Variants in GALK2 observed in about 807,000 individuals in gnomAD.
GALK2 encodes galactokinase 2.
Under a neutral mutation model 52.4 loss-of-function variants are expected in GALK2, and 36 were observed. That is an observed-to-expected ratio of 0.69 (90% CI 0.53 to 0.91). GALK2 has a LOEUF of 0.91. Ranked by LOEUF, GALK2 falls within the 40% of genes least tolerant of loss-of-function variation. GALK2 has a pLI of 0.00. For missense variants in GALK2, 579 were observed against 559.1 expected (o/e 1.04, Z -0.36); for synonymous variants, 176 against 199.1 (o/e 0.88, Z 0.98).
chr15:49,207,333 A>G (rs570197431), intron 2 of GALK2, among the ~76,000 whole-genome samples: 1 of 152,320 alleles, frequency 6.6e-6, no homozygotes, highest in South Asian at 2.1e-4. Flanking sequence ...TTTTGATATT[A>G]GGGTGATGCT....
intron 2 of GALK2, among the ~76,000 whole-genome samples, chr15:49,206,953 A>T (rs576075890): frequency 6.6e-6 from 1 of 152,272 alleles, no homozygotes; most frequent in East Asian, 1.9e-4. Context: ...TACCTCATTC[A>T]ATATTATGTT....
rs200000331 is a variant in GALK2, at chr15:49,244,848, C to CA, written c.504+5490dup. Among the ~76,000 whole-genome samples the CA allele has an allele frequency of 3.0e-3, 450 of 149,340 alleles. 1 individual carries two copies. The highest frequency in any genetic ancestry group is 3.5e-3 in the Admixed American group (53 of 15,044). ...GGAACTTATAATCTTATCAGTAAAA[C>CA]AAAAAAAAAGCCAAAAAAACTGGTT... On this transcript the variant is annotated intron_variant, in intron 5 of 9. Transcript: ENST00000560031.
intron 3 of GALK2, among the ~76,000 whole-genome samples, chr15:49,231,450 A>G (rs1318538391): frequency 6.6e-6 from 1 of 152,206 alleles, no homozygotes; most frequent in African/African-American, 2.4e-5. Context: ...AAACCATATT[A>G]TTCTGTCCCT....
intron 5 of GALK2, among the ~76,000 whole-genome samples, chr15:49,257,319 C>T (rs77966033): frequency 0.06 from 9,171 of 152,134 alleles, 547 homozygotes; most frequent in African/African-American, 0.15. Context: ...CACTTGAACC[C>T]GCTGAATTTT....
intron 3 of GALK2, among the ~76,000 whole-genome samples, chr15:49,228,682 T>TATATATATATATATATATATATAC (rs1555409030): frequency 2.7e-4 from 4 of 14,554 alleles, no homozygotes; most frequent in African/African-American, 1.1e-3. Context: ...TATATATATA[T>TATATATATATATATATATATATAC]ATATATTTTT....
chr15:49,279,361 C>G (rs1360879417), intron 5 of GALK2, among the ~76,000 whole-genome samples: 2 of 152,160 alleles, frequency 1.3e-5, no homozygotes, highest in African/African-American at 4.8e-5. Flanking sequence ...AGGGAGGATA[C>G]TTAAATTTTG....
At chr15:49,174,645 A>G (rs2085323296) in intron 1 of GALK2, among the ~76,000 whole-genome samples, 1 of 151,898 alleles carries the variant, frequency 6.6e-6, no homozygotes, top group African/African-American at 2.4e-5. Context: ...CACTTGGCCT[A>G]TTTCTTGTTA....
chr15:49,321,048 C>T (rs903535062), intron 9 of GALK2, among the ~76,000 whole-genome samples: 2 of 151,994 alleles, frequency 1.3e-5, no homozygotes, highest in Non-Finnish European at 2.9e-5. Context: ...CTTACATTCT[C>T]GTGGGGAAAG....
intron 1 of GALK2, among the ~76,000 whole-genome samples, chr15:49,176,241 T>A (rs895461405): frequency 2.0e-5 from 3 of 152,276 alleles, no homozygotes; most frequent in African/African-American, 7.2e-5. Flanking sequence ...CCCTGTTATC[T>A]TGATGTTCCT....
At chr15:49,277,358 C>T (rs1193814009) in intron 5 of GALK2, among the ~76,000 whole-genome samples, 1 of 140,606 alleles carries the variant, frequency 7.1e-6, no homozygotes, top group African/African-American at 2.6e-5. Context: ...TTAGTAGAGA[C>T]GGGGTTTCAC....
intron 1 of GALK2, chr15:49,177,727 C>A: frequency 1.3e-6 from 1 of 786,580 alleles, no homozygotes; most frequent in East Asian, 4.6e-5. Flanking sequence ...AGATGTCAGC[C>A]CATGCATCAC....
chr15:49,189,281 A>G (rs1213375936), intron 1 of GALK2, among the ~76,000 whole-genome samples: 1 of 152,194 alleles, frequency 6.6e-6, no homozygotes, highest in African/African-American at 2.4e-5. Flanking sequence ...ACATTCTTTT[A>G]TATAATCGTA....
chr15:49,336,881 C>CA (rs2039808676), downstream of GALK2, among the ~76,000 whole-genome samples: 1 of 152,154 alleles, frequency 6.6e-6, no homozygotes, highest in African/African-American at 2.4e-5. Context: ...TTACAGTATG[C>CA]AGTGTCTATT....
rs751667543 is a variant in GALK2, at chr15:49,194,720, C to G, written c.54-6442C>G. 5.3e-5 allele frequency among the ~76,000 whole-genome samples: 8 copies of G among 151,232 alleles called. No individual in the cohort carries two copies. The East Asian group carries it at 1.6e-3, about 30-fold the overall frequency. ...AAGTGATTCTCCTGCCTCAGCCTCC[C>G]GAGTAGCTAGGATTACAAGCACGTG... On this transcript the variant is annotated intron_variant, in intron 1 of 9. Transcript: ENST00000560031.
At chr15:49,350,501 T>C (rs1567124361) in intron 3 of GALK2, among the ~76,000 whole-genome samples, 1 of 152,230 alleles carries the variant, frequency 6.6e-6, no homozygotes, top group Non-Finnish European at 1.5e-5. Context: ...GTTAAGTTTT[T>C]ACTGGGAGAT....
chr15:49,167,003 T>C (rs1000221955), upstream of GALK2, among the ~76,000 whole-genome samples: 4 of 152,330 alleles, frequency 2.6e-5, no homozygotes, highest in East Asian at 7.7e-4. Context: ...AAGGAAGTGA[T>C]TTCTAAGCTG....
At chr15:49,239,479 C>G in intron 5 of GALK2, 112 bp downstream of exon 5, 1 of 974,918 alleles carries the variant, frequency 1.0e-6, no homozygotes, top group South Asian at 1.6e-5. Flanking sequence ...TCTAAAAGGA[C>G]TGCACATGTG....
At chr15:49,161,235 G>A (rs1595845257) in intron 1 of GALK2, among the ~76,000 whole-genome samples, 2 of 152,196 alleles carry the variant, frequency 1.3e-5, no homozygotes, top group Admixed American at 6.5e-5. Context: ...TAAATTTTGA[G>A]TATAATTTCC....
intron 5 of GALK2, among the ~76,000 whole-genome samples, chr15:49,280,757 A>G (rs1241347798): frequency 6.6e-6 from 1 of 152,216 alleles, no homozygotes; most frequent in South Asian, 2.1e-4. Flanking sequence ...ACTAACTTAA[A>G]TGTTTTAGGA....
Sources: gnomAD v4.1 joint callset for allele counts (sites outside exome capture counted in the v4.1 genomes callset) on GRCh38, gnomAD v4.1.1 for gene constraint, MANE v1.5 for transcripts, NCBI Gene and HGNC (gene_info 2026-07-23, HGNC 2026-07-21) for gene names.